MMP26: variants seen among roughly 807,000 people sequenced by gnomAD.
MMP26 encodes matrix metalloproteinase-26.
MMP26 carries 33 observed loss-of-function variants against 31.0 expected under a neutral mutation model. The observed-to-expected ratio is 1.06, with a 90% CI of 0.81 to 1.42. MMP26 has a LOEUF of 1.42. Among genes scored for constraint, MMP26 ranks in the 40% most tolerant of loss-of-function variants. MMP26 has a pLI of 0.00. For missense variants in MMP26, 347 were observed against 316.1 expected (o/e 1.10, Z -0.74); for synonymous variants, 122 against 114.9 (o/e 1.06, Z -0.40).
At chr11:4,841,699 G>A (rs201292969) in intron 2 of MMP26, among the ~76,000 whole-genome samples, 36 of 152,294 alleles carry the variant, frequency 2.4e-4, no homozygotes, top group East Asian at 2.3e-3. Flanking sequence ...TTGGGAGGCC[G>A]AAGCAGGCAG....
intron 2 of MMP26, among the ~76,000 whole-genome samples, chr11:4,872,919 A>G (rs866807438): frequency 3.9e-5 from 6 of 152,104 alleles, no homozygotes; most frequent in South Asian, 2.1e-4. Context: ...CAAGCTGGAC[A>G]TACGGACCCA....
intron 1 of MMP26, chr11:4,752,352 A>T (rs974332049): frequency 6.6e-6 from 1 of 152,142 alleles, no homozygotes. Flanking sequence ...GATGGAGTCC[A>T]CTCCGGCAGT....
chr11:4,940,120 T>A (rs1047333908), intron 2 of MMP26, among the ~76,000 whole-genome samples: 4 of 151,988 alleles, frequency 2.6e-5, no homozygotes, highest in Non-Finnish European at 4.4e-5. Flanking sequence ...TATGCTATTT[T>A]GATTAATGAT....
intron 1 of MMP26, among the ~76,000 whole-genome samples, chr11:4,755,063 A>T (rs1848489588): frequency 6.6e-6 from 1 of 151,944 alleles, no homozygotes; most frequent in African/African-American, 2.4e-5. Context: ...TTCACCTTTC[A>T]TCGGTTGATC....
intron 1 of MMP26, among the ~76,000 whole-genome samples, chr11:4,724,841 G>A (rs555410954): frequency 9.8e-5 from 15 of 152,312 alleles, no homozygotes; most frequent in African/African-American, 3.4e-4. Flanking sequence ...CAGGTCAGGT[G>A]ACAATGAGAA....
At chr11:4,936,672 AG>A (rs999627308) in intron 2 of MMP26, among the ~76,000 whole-genome samples, 42 of 152,312 alleles carry the variant, frequency 2.8e-4, no homozygotes, top group African/African-American at 9.4e-4. Flanking sequence ...ATATAAATGC[AG>A]AAAAGGTTTA....
At chr11:4,737,809 G>T (rs1355464542) in intron 1 of MMP26, among the ~76,000 whole-genome samples, 2 of 152,074 alleles carry the variant, frequency 1.3e-5, no homozygotes, top group Non-Finnish European at 2.9e-5. Flanking sequence ...AATTCAAAGT[G>T]GTATTCATTT....
intron 3 of MMP26, among the ~76,000 whole-genome samples, chr11:4,988,711 C>G (rs1209314982): frequency 6.6e-6 from 1 of 152,114 alleles, no homozygotes; most frequent in African/African-American, 2.4e-5. Flanking sequence ...ATCTCCCAGT[C>G]GGTCTACCAC....
chr11:4,914,784 G>A (rs1851049468), intron 2 of MMP26: 1 of 1,613,832 alleles, frequency 6.2e-7, no homozygotes, highest in Admixed American at 1.7e-5. Context: ...TAGACAATGG[G>A]ATTCATCACA....
chr11:4,854,299 A>T (rs1204890423), intron 2 of MMP26, among the ~76,000 whole-genome samples: 2 of 152,194 alleles, frequency 1.3e-5, no homozygotes, highest in Admixed American at 6.5e-5. Flanking sequence ...GGGTCAGGGA[A>T]TTCCCTTTCC....
intron 2 of MMP26, among the ~76,000 whole-genome samples, chr11:4,805,574 A>T (rs538307113): frequency 2.0e-4 from 31 of 152,220 alleles, no homozygotes; most frequent in Admixed American, 9.8e-4. Flanking sequence ...TCATGAAGTC[A>T]GCTGTGAACC....
chr11:4,804,376 A>G, intron 2 of MMP26: 1 of 1,612,778 alleles, frequency 6.2e-7, no homozygotes, highest in Non-Finnish European at 8.5e-7. Flanking sequence ...TGAAGCCAGC[A>G]CCATGGACTG....
rs143995058 is a variant in MMP26, at chr11:4,923,496, A to G, written c.-144-64572A>G. ...TTCATAAGGGGTGGTACCAGCAGAT[A>G]CACATAGGACATGAAGAGGTGTACA... On this transcript the variant is annotated intron_variant, in intron 2 of 7. Transcript: ENST00000380390. The G allele has an allele frequency of 8.7e-6, 14 of 1,614,042 alleles. No individual in the cohort carries two copies. In the African/African-American group the frequency reaches 1.9e-4, roughly 22 times the overall value.
intron 2 of MMP26, among the ~76,000 whole-genome samples, chr11:4,982,746 G>A (rs577913571): frequency 6.6e-6 from 1 of 152,144 alleles, no homozygotes; most frequent in Non-Finnish European, 1.5e-5. Flanking sequence ...ATCCCTACGG[G>A]ATCCATTTCT....
At chr11:4,863,188 C>G (rs1010407728) in intron 2 of MMP26, among the ~76,000 whole-genome samples, 3 of 152,100 alleles carry the variant, frequency 2.0e-5, no homozygotes, top group African/African-American at 4.8e-5. Flanking sequence ...CTGTTTTTGA[C>G]TCTGATTTTC....
intron 2 of MMP26, among the ~76,000 whole-genome samples, chr11:4,840,638 G>A (rs939476560): frequency 6.6e-6 from 1 of 152,214 alleles, no homozygotes; most frequent in Non-Finnish European, 1.5e-5. Flanking sequence ...TACCCCTAAA[G>A]TAGATACAAC....
At chr11:4,965,327 A>G (rs1846577515) in intron 2 of MMP26, among the ~76,000 whole-genome samples, 1 of 152,184 alleles carries the variant, frequency 6.6e-6, no homozygotes, top group Admixed American at 6.5e-5. Flanking sequence ...AAAATAAAAT[A>G]TTACATTAAA....
chr11:4,888,692 A>G lies in MMP26; in HGVS notation c.-144-99376A>G, dbSNP rs1289447007. 2.0e-5 allele frequency among the ~76,000 whole-genome samples: 3 copies of G among 152,214 alleles called. No homozygotes were observed. In the East Asian group the frequency reaches 5.8e-4, roughly 29 times the overall value. ...GAATGTTATGAGATAGTTTATTGCC[A>G]TAATTCAAGGCTGTGAAAATGATAA... is the stretch of plus-strand genomic sequence containing the variant. On this transcript the variant is annotated intron_variant, in intron 2 of 7. Coordinates refer to ENST00000380390, the MANE Select transcript of MMP26 (RefSeq NM_021801.5).
intron 1 of MMP26, among the ~76,000 whole-genome samples, chr11:4,706,577 C>CAAAAAAAAAAAAAAAAAA (rs71050423): frequency 2.3e-5 from 2 of 87,566 alleles, no homozygotes; most frequent in Non-Finnish European, 4.2e-5. Flanking sequence ...GACCCTATCT[C>CAAAAAAAAAAAAAAAAAA]AAAAAAAAAA....
Sources: allele counts gnomAD v4.1 joint callset (sites outside exome capture counted in the v4.1 genomes callset), GRCh38; gene constraint gnomAD v4.1.1; transcripts MANE v1.5; gene names NCBI Gene and HGNC (gene_info 2026-07-23, HGNC 2026-07-21).